The following PHACTR1 variants were observed in gnomAD, a reference collection of about 807,000 sequenced individuals.
The protein encoded by PHACTR1 is RPEL repeat containing 1.
PHACTR1 carries 16 observed loss-of-function variants against 69.2 expected under a neutral mutation model. That is an observed-to-expected ratio of 0.23 (90% confidence interval 0.16 to 0.35). The LOEUF is 0.35. Ranked by LOEUF, PHACTR1 falls within the 10% of genes least tolerant of loss-of-function variation. PHACTR1 has a pLI of 1.00. For synonymous variants in PHACTR1, 312 were observed against 284.5 expected, an observed-to-expected ratio of 1.10 and a Z score of -0.97; for missense variants, 510 against 734.7, an observed-to-expected ratio of 0.69 and a Z score of 3.54.
intron 4 of PHACTR1, among the ~76,000 whole-genome samples, chr6:12,770,320 TG>T (rs1769218448): frequency 6.6e-6 from 1 of 152,216 alleles, no homozygotes; most frequent in Non-Finnish European, 1.5e-5. Context: ...CCCTCGTTTT[TG>T]GGAACATGAG....
intron 10 of PHACTR1, among the ~76,000 whole-genome samples, chr6:13,256,432 A>G (rs1775208931): frequency 6.6e-6 from 1 of 152,176 alleles, no homozygotes; most frequent in African/African-American, 2.4e-5. Context: ...GCCTACTTGA[A>G]TTCCTCCCCT....
chr6:13,174,220 A>G (rs1761019027), intron 6 of PHACTR1, among the ~76,000 whole-genome samples: 1 of 152,240 alleles, frequency 6.6e-6, no homozygotes, highest in East Asian at 1.9e-4. Context: ...AACACAGAAC[A>G]TGCTGAACAG....
chr6:12,923,348 A>G (rs1175147486), intron 4 of PHACTR1, among the ~76,000 whole-genome samples: 1 of 152,222 alleles, frequency 6.6e-6, no homozygotes, highest in Non-Finnish European at 1.5e-5. Flanking sequence ...ATGTAAGTTA[A>G]TGTCATCCTC....
At chr6:13,211,224 G>C (rs141466979) in intron 8 of PHACTR1, among the ~76,000 whole-genome samples, 1 of 152,084 alleles carries the variant, frequency 6.6e-6, no homozygotes, top group African/African-American at 2.4e-5. Context: ...CATCACCCGA[G>C]CAGTGTACAC....
In PHACTR1 at chr6:13,089,056, T is replaced by C. The variant is rs539688498; in HGVS notation, c.415+35527T>C. Among the ~76,000 whole-genome samples the C allele has an allele frequency of 5.9e-5, 9 of 152,328 alleles. No individual in the cohort carries two copies. In the South Asian group the frequency reaches 1.4e-3, roughly 25 times the overall value. The stretch of plus-strand genomic sequence containing the variant: ...CTTCATCTCCTCTGTCTCCTTTACC[T>C]TCTCTGTCACTGTGCAATCAGACAG... On this transcript the variant is annotated intron_variant, in intron 5 of 14. Coordinates refer to ENST00000332995, the MANE Select transcript of PHACTR1 (RefSeq NM_030948.6).
chr6:12,928,021 C>T (rs1788455764), intron 4 of PHACTR1, among the ~76,000 whole-genome samples: 1 of 152,116 alleles, frequency 6.6e-6, no homozygotes, highest in African/African-American at 2.4e-5. Flanking sequence ...GTTGTCAGCT[C>T]ACATTCAATT....
intron 4 of PHACTR1, among the ~76,000 whole-genome samples, chr6:12,942,796 G>T (rs895363278): frequency 2.0e-5 from 3 of 152,164 alleles, no homozygotes; most frequent in African/African-American, 7.2e-5. Context: ...GTGGAGAAAT[G>T]AATCATACAA....
chr6:12,792,182 G>A (rs940204159), intron 4 of PHACTR1, among the ~76,000 whole-genome samples: 5 of 151,936 alleles, frequency 3.3e-5, no homozygotes, highest in African/African-American at 1.2e-4. Context: ...CTAAGAAAAT[G>A]GGCCGGGCGC....
chr6:13,028,159 G>A (rs1441395595), intron 4 of PHACTR1, among the ~76,000 whole-genome samples: 1 of 152,084 alleles, frequency 6.6e-6, no homozygotes, highest in Non-Finnish European at 1.5e-5. Flanking sequence ...TGTTTGTTTT[G>A]CAGAGTGCCA....
intron 5 of PHACTR1, among the ~76,000 whole-genome samples, chr6:13,131,529 C>G (rs1157314058): frequency 6.6e-6 from 1 of 152,028 alleles, no homozygotes; most frequent in Non-Finnish European, 1.5e-5. Flanking sequence ...GCACCAAAAT[C>G]TCAATAATTA....
intron 4 of PHACTR1, among the ~76,000 whole-genome samples, chr6:13,040,266 A>T (rs192872607): frequency 1.3e-5 from 2 of 151,946 alleles, no homozygotes; most frequent in African/African-American, 2.4e-5. Context: ...ACATCAGCCT[A>T]TTTCTCTATT....
At chr6:13,199,367 AAGTG>A (rs1213699892) in intron 7 of PHACTR1, among the ~76,000 whole-genome samples, 1 of 143,550 alleles carries the variant, frequency 7.0e-6, no homozygotes, top group Non-Finnish European at 1.5e-5. Context: ...CTGGGCGACA[AAGTG>A]AGAGTCCATC....
intron 5 of PHACTR1, among the ~76,000 whole-genome samples, chr6:13,071,481 T>C (rs1203898607): frequency 2.0e-5 from 3 of 152,012 alleles, no homozygotes; most frequent in African/African-American, 4.8e-5. Flanking sequence ...TATTCTGACC[T>C]GAGTTAGGAG....
intron 4 of PHACTR1, among the ~76,000 whole-genome samples, chr6:12,899,317 A>C (rs1582372695): frequency 6.6e-6 from 1 of 152,232 alleles, no homozygotes; most frequent in Non-Finnish European, 1.5e-5. Context: ...TATGGGGAAT[A>C]GTGATGGAAA....
intron 4 of PHACTR1, among the ~76,000 whole-genome samples, chr6:12,791,303 A>C (rs1050209115): frequency 6.6e-6 from 1 of 152,164 alleles, no homozygotes; most frequent in African/African-American, 2.4e-5. Flanking sequence ...ATAGTTGCTA[A>C]GGAGCCCATC....
intron 5 of PHACTR1, among the ~76,000 whole-genome samples, chr6:13,119,656 G>A (rs1818404653): frequency 6.6e-6 from 1 of 152,140 alleles, no homozygotes; most frequent in Non-Finnish European, 1.5e-5. Flanking sequence ...TCAGACCTCT[G>A]CCTGTGCTCC....
chr6:12,870,445 G>C (rs1326092031), intron 4 of PHACTR1, among the ~76,000 whole-genome samples: 1 of 152,186 alleles, frequency 6.6e-6, no homozygotes, highest in Non-Finnish European at 1.5e-5. Context: ...CCCATTTGGA[G>C]AGGGATTTGG....
At position 13,218,853 on chromosome 6, in the gene PHACTR1, A is replaced by AAAGAGAAGAGAAGAGAAGAG. The variant is rs536881718; in HGVS notation, c.987-8920_987-8901dup. On this transcript the variant is annotated intron_variant, in intron 8 of 14. Coordinates refer to ENST00000332995, the MANE Select transcript of PHACTR1 (RefSeq NM_030948.6). Reference sequence around the variant, plus strand: ...GAAAAAGAGGAGGAGGAGGAGGAGGAAAGAGAAGAGAAGAGAAGAGAAGAG... The same window carrying AAAGAGAAGAGAAGAGAAGAG: ...GAAAAAGAGGAGGAGGAGGAGGAGGAAAGAGAAGAGAAGAGAAGAGAAGAGAAGAGAAGAGAAGAGAAGAG... Among the ~76,000 whole-genome samples the AAAGAGAAGAGAAGAGAAGAG allele has an allele frequency of 6.9e-3, 980 of 142,494 alleles. 10 individuals carry two copies. The highest frequency in any genetic ancestry group is 0.033 in the East Asian group (148 of 4,424). 93.5% of individuals were successfully genotyped at this position (142,494 alleles called of 152,430 possible).
At chr6:13,042,529 G>T (rs1357814634) in intron 4 of PHACTR1, among the ~76,000 whole-genome samples, 1 of 152,182 alleles carries the variant, frequency 6.6e-6, no homozygotes, top group African/African-American at 2.4e-5. Flanking sequence ...TCCTGGTTCA[G>T]TAGGTCTGAG....
Sources: gnomAD v4.1 joint callset for allele counts (sites outside exome capture counted in the v4.1 genomes callset) on GRCh38, gnomAD v4.1.1 for gene constraint, MANE v1.5 for transcripts, NCBI Gene and HGNC (gene_info 2026-07-23, HGNC 2026-07-21) for gene names.